RALYL: variants seen among roughly 807,000 people sequenced by gnomAD.
RALYL encodes RNA-binding Raly-like protein.
Under a neutral mutation model 35.1 loss-of-function variants are expected in RALYL, and 29 were observed. The ratio of observed to expected loss-of-function variants is 0.83; its 90% CI spans 0.61 to 1.13. The LOEUF is 1.13. Among genes scored for constraint, RALYL ranks in the 50% most tolerant of loss-of-function variants. The pLI is 0.00. For synonymous variants in RALYL, 120 were observed against 127.6 expected, an observed-to-expected ratio of 0.94 and a Z score of 0.40; for missense variants, 359 against 360.4, an observed-to-expected ratio of 1.00 and a Z score of 0.03.
intron 2 of RALYL, among the ~76,000 whole-genome samples, chr8:84,642,880 G>A (rs758120388): frequency 1.3e-5 from 2 of 151,990 alleles, no homozygotes; most frequent in African/African-American, 2.4e-5. Context: ...TCTCCTGTCA[G>A]AGAGAGCCTC....
At chr8:84,290,781 G>A (rs1838628919) in intron 1 of RALYL, among the ~76,000 whole-genome samples, 1 of 152,138 alleles carries the variant, frequency 6.6e-6, no homozygotes, top group Admixed American at 6.6e-5. Flanking sequence ...GCCTTTTTAA[G>A]TCCCCCTATC....
chr8:84,741,756 AG>A (rs1807370805), intron 2 of RALYL, among the ~76,000 whole-genome samples: 1 of 152,038 alleles, frequency 6.6e-6, no homozygotes, highest in South Asian at 2.1e-4. Context: ...CACTTTCAAA[AG>A]AAAAAGAATT....
intron 2 of RALYL, among the ~76,000 whole-genome samples, chr8:84,598,973 T>C (rs1158108470): frequency 1.3e-5 from 2 of 152,156 alleles, no homozygotes; most frequent in African/African-American, 4.8e-5. Context: ...ATTCTAATTG[T>C]GATGAGATGA....
intron 2 of RALYL, among the ~76,000 whole-genome samples, chr8:84,533,754 G>A (rs1365054282): frequency 6.6e-6 from 1 of 152,118 alleles, no homozygotes; most frequent in African/African-American, 2.4e-5. Flanking sequence ...AATTCAAAGT[G>A]GGAACATGAT....
chr8:84,487,468 A>G (rs1020861052), intron 1 of RALYL, among the ~76,000 whole-genome samples: 2 of 152,048 alleles, frequency 1.3e-5, no homozygotes, highest in African/African-American at 2.4e-5. Flanking sequence ...TAATAAATAT[A>G]TTCTGGAAAT....
At chr8:84,882,366 T>A (rs558834065) in intron 7 of RALYL, among the ~76,000 whole-genome samples, 2 of 152,044 alleles carry the variant, frequency 1.3e-5, no homozygotes, top group Admixed American at 6.6e-5. Flanking sequence ...TGAAGACTTG[T>A]CAATATAAAC....
At chr8:84,531,478 C>T (rs1330800341) in intron 2 of RALYL, among the ~76,000 whole-genome samples, 1 of 152,088 alleles carries the variant, frequency 6.6e-6, no homozygotes, top group East Asian at 1.9e-4. Flanking sequence ...TGCTTTCCAA[C>T]AGACATTGGT....
rs181863766 is a variant in RALYL at position 84,329,435 on chromosome 8, A to G, written c.-24+145011A>G. ...AAATATCTGTTCATGCTCTTTGCCC[A>G]CTTTTTATGGGATTATGTGTTTTGT... On this transcript the variant is annotated intron_variant, in intron 1 of 8. Coordinates refer to ENST00000521268, the MANE Select transcript of RALYL (RefSeq NM_173848.7). Among the ~76,000 whole-genome samples the G allele has an allele frequency of 1.5e-3, 235 of 152,138 alleles. 1 individual carries two copies. Among genetic ancestry groups the G allele is most frequent in the Middle Eastern group, 0.01 (3 of 294 alleles).
At chr8:84,487,575 A>G (rs1365249711) in intron 1 of RALYL, among the ~76,000 whole-genome samples, 1 of 152,118 alleles carries the variant, frequency 6.6e-6, no homozygotes, top group Non-Finnish European at 1.5e-5. Flanking sequence ...TCACAGAACA[A>G]ATATGGCCTG....
At chr8:84,855,011 T>A (rs570043384) in intron 5 of RALYL, among the ~76,000 whole-genome samples, 1 of 152,272 alleles carries the variant, frequency 6.6e-6, no homozygotes, top group East Asian at 1.9e-4. Context: ...TCAGACTGGA[T>A]TCTGCTGATG....
At chr8:84,436,543 G>GTT (rs150233257) in intron 1 of RALYL, among the ~76,000 whole-genome samples, 40 of 62,402 alleles carry the variant, frequency 6.4e-4, no homozygotes, top group Non-Finnish European at 9.6e-4. Context: ...AATCATGGGA[G>GTT]TTTTTTTTTT....
chr8:84,192,979 T>C (rs1448872931), intron 1 of RALYL, among the ~76,000 whole-genome samples: 1 of 151,780 alleles, frequency 6.6e-6, no homozygotes, highest in Non-Finnish European at 1.5e-5. Context: ...GGAGTGCTTA[T>C]GCTGGTTTTA....
At chr8:84,795,986 G>A (rs1408919441) in intron 3 of RALYL, among the ~76,000 whole-genome samples, 2 of 152,146 alleles carry the variant, frequency 1.3e-5, no homozygotes, top group Admixed American at 1.3e-4. Flanking sequence ...TAATCTTTGT[G>A]TATTCATCAT....
intron 2 of RALYL, among the ~76,000 whole-genome samples, chr8:84,570,733 G>A (rs1236349708): frequency 5.9e-5 from 9 of 151,786 alleles, no homozygotes; most frequent in Non-Finnish European, 1.3e-4. Context: ...GCCATGGATG[G>A]CTCTTATTAT....
intron 5 of RALYL, among the ~76,000 whole-genome samples, chr8:84,855,232 G>A (rs991824889): frequency 1.3e-5 from 2 of 152,178 alleles, no homozygotes; most frequent in African/African-American, 4.8e-5. Context: ...CCTCACCTCC[G>A]GAAGTGTGGT....
rs1350150404 is a variant in RALYL at position 84,556,420 on chromosome 8, A to G, written c.256+26843A>G. On this transcript the variant is annotated intron_variant, in intron 2 of 8. Coordinates refer to ENST00000521268, the MANE Select transcript of RALYL (RefSeq NM_173848.7). ...TTTGCTCAAAACCAAACAGCTAGTA[A>G]GTGTCAGAGTTGGAGTCTTATTAAG... 2.6e-5 allele frequency among the ~76,000 whole-genome samples: 4 copies of G among 152,316 alleles called. No individual in the cohort carries two copies. The East Asian group carries it at 7.7e-4, about 29-fold the overall frequency.
chr8:84,802,763 C>G (rs1429287805), intron 3 of RALYL, among the ~76,000 whole-genome samples: 3 of 152,122 alleles, frequency 2.0e-5, no homozygotes, highest in Non-Finnish European at 4.4e-5. Context: ...AGTACTTGCC[C>G]AAAGGAAGTG....
rs183449397 is a variant in RALYL, at chr8:84,843,355, C to T, written c.366-6625C>T. Among the ~76,000 whole-genome samples, 1,161 of 152,100 alleles carry T rather than the reference C, an allele frequency of 7.6e-3. 16 individuals carry two copies. The highest frequency in any genetic ancestry group is 0.027 in the African/African-American group (1,101 of 41,442). On this transcript the variant is annotated intron_variant, in intron 4 of 8. Coordinates refer to ENST00000521268, the MANE Select transcript of RALYL (RefSeq NM_173848.7). ...AACAGAGGGCCAAATCATGAGTGAC[C>T]GCCGATTCACAATTGCTTCAAGGAG...
At chr8:84,446,265 A>C (rs1258696020) in intron 1 of RALYL, among the ~76,000 whole-genome samples, 1 of 152,058 alleles carries the variant, frequency 6.6e-6, no homozygotes, top group Admixed American at 6.6e-5. Flanking sequence ...CATAATGGGA[A>C]TACCCATAAT....
Sources: allele counts gnomAD v4.1 joint callset (sites outside exome capture counted in the v4.1 genomes callset), GRCh38; gene constraint gnomAD v4.1.1; transcripts MANE v1.5; gene names NCBI Gene and HGNC (gene_info 2026-07-23, HGNC 2026-07-21).